The following TMEM178B variants were observed in gnomAD, a reference collection of about 807,000 sequenced individuals.
The protein encoded by TMEM178B is transmembrane protein 178B.
In TMEM178B, 5 loss-of-function variants were observed where a neutral mutation model predicts 31.0. The ratio of observed to expected loss-of-function variants is 0.16; its 90% CI spans 0.08 to 0.34. TMEM178B has a LOEUF of 0.34. Ranked by LOEUF, TMEM178B falls within the 10% of genes least tolerant of loss-of-function variation. The pLI, the probability that TMEM178B is intolerant of heterozygous loss-of-function variation, is 1.00. For missense variants in TMEM178B, 275 were observed against 400.3 expected, an observed-to-expected ratio of 0.69 and a Z score of 2.67; for synonymous variants, 164 against 164.0, an observed-to-expected ratio of 1.00 and a Z score of 0.00.
At chr7:141,154,834 A>G (rs1044771511) in intron 1 of TMEM178B, among the ~76,000 whole-genome samples, 14 of 151,530 alleles carry the variant, frequency 9.2e-5, no homozygotes, top group Admixed American at 2.0e-4. Context: ...GGTTCAAACG[A>G]TTCTCCTGCC....
At chr7:141,228,735 G>A (rs1797386581) in intron 2 of TMEM178B, among the ~76,000 whole-genome samples, 1 of 152,164 alleles carries the variant, frequency 6.6e-6, no homozygotes, top group Non-Finnish European at 1.5e-5. Flanking sequence ...GGAGCAGCCA[G>A]CTGTCTCCCC....
intron 2 of TMEM178B, among the ~76,000 whole-genome samples, chr7:141,388,675 C>T (rs1422518139): frequency 1.3e-5 from 2 of 151,956 alleles, no homozygotes; most frequent in African/African-American, 4.8e-5. Flanking sequence ...AATTTTTTCC[C>T]ACCAATCACT....
At position 141,171,319 on chromosome 7, in the gene TMEM178B, A is replaced by T. The variant is rs1563106815; in HGVS notation, c.383-41272A>T. Among the ~76,000 whole-genome samples the T allele has an allele frequency of 6.6e-6, 1 of 152,152 alleles. No homozygotes were observed. Among genetic ancestry groups the T allele is most frequent in the Non-Finnish European group, 1.5e-5 (1 of 68,030 alleles). On this transcript the variant is annotated intron_variant, in intron 1 of 3. Transcript: ENST00000565468. The surrounding 1 kb of genome is among the most constrained non-coding windows in gnomAD (Gnocchi z 4.3). ...AAACCAAAATTTTAGACTTTTTACT[A>T]TGTGATAGGCAGTGTTCTAAGTGCT...
chr7:141,427,752 G>C (rs1801346990), intron 2 of TMEM178B, among the ~76,000 whole-genome samples: 1 of 152,132 alleles, frequency 6.6e-6, no homozygotes, highest in Non-Finnish European at 1.5e-5. Flanking sequence ...ACCATCAACA[G>C]AGTGAAGTAA....
downstream of TMEM178B, among the ~76,000 whole-genome samples, chr7:141,484,417 G>A (rs149910175): frequency 5.2e-3 from 793 of 152,220 alleles, 1 homozygote; most frequent in Non-Finnish European, 8.4e-3. This position sits in a 1 kb window ranked among gnomAD's most constrained non-coding sequence, Gnocchi z 4.8. Context: ...CAAAATCTTA[G>A]GTCCAACCTC....
chr7:141,198,498 C>CT (rs1328488211), intron 1 of TMEM178B, among the ~76,000 whole-genome samples: 1 of 152,202 alleles, frequency 6.6e-6, no homozygotes, highest in Admixed American at 6.5e-5. Flanking sequence ...TGTCCCTTTC[C>CT]TTTAGGACAA....
At chr7:141,174,709 C>A (rs1210796771) in intron 1 of TMEM178B, among the ~76,000 whole-genome samples, 4 of 152,182 alleles carry the variant, frequency 2.6e-5, no homozygotes, top group African/African-American at 7.2e-5. Context: ...TCTCTGATGA[C>A]CAGTAATGAT....
intron 1 of TMEM178B, among the ~76,000 whole-genome samples, chr7:141,096,708 T>C (rs918279716): frequency 6.6e-6 from 1 of 152,222 alleles, no homozygotes; most frequent in African/African-American, 2.4e-5. Flanking sequence ...AAAATGTAAG[T>C]AAGTGTTTCT....
intron 2 of TMEM178B, among the ~76,000 whole-genome samples, chr7:141,245,132 C>T (rs1163222084): frequency 3.2e-5 from 4 of 123,348 alleles, no homozygotes; most frequent in East Asian, 2.4e-4. Context: ...CACTGGACTC[C>T]GAACTCCAGC....
intron 2 of TMEM178B, among the ~76,000 whole-genome samples, chr7:141,386,607 T>C (rs1471278663): frequency 1.3e-5 from 2 of 152,230 alleles, no homozygotes; most frequent in Admixed American, 6.5e-5. Flanking sequence ...ATTATTTCTT[T>C]GTGGTGAGAA....
intron 2 of TMEM178B, among the ~76,000 whole-genome samples, chr7:141,261,978 G>T (rs1344990274): frequency 1.3e-5 from 2 of 152,138 alleles, no homozygotes; most frequent in Admixed American, 1.3e-4. Flanking sequence ...GGCCAGAAAA[G>T]AGCCCTAGAG....
chr7:141,103,170 C>T lies in TMEM178B; in HGVS notation c.382+28478C>T, dbSNP rs182795698. On this transcript the variant is annotated intron_variant, in intron 1 of 3. Transcript: ENST00000565468. ...AGTGCGGAAAGGAAAAAAATTATTG[C>T]TCCCCAGGTGGGGTCAACTCATCTC... Among the ~76,000 whole-genome samples the T allele has an allele frequency of 1.1e-4, 17 of 152,348 alleles. No homozygotes were observed. The South Asian group carries it at 1.5e-3, about 13-fold the overall frequency.
chr7:141,113,317 A>T (rs1459017434), intron 1 of TMEM178B, among the ~76,000 whole-genome samples: 1 of 152,180 alleles, frequency 6.6e-6, no homozygotes, highest in Non-Finnish European at 1.5e-5. Flanking sequence ...GCTCTGTCCC[A>T]TCTGTCCCAT....
the TMEM178B span, among the ~76,000 whole-genome samples, chr7:141,492,022 T>C: frequency 6.6e-6 from 1 of 152,176 alleles, no homozygotes. Flanking sequence ...TGGCCTGCTG[T>C]TGTACCAAGA....
intron 2 of TMEM178B, among the ~76,000 whole-genome samples, chr7:141,263,592 G>A (rs1302728855): frequency 6.6e-6 from 1 of 152,206 alleles, no homozygotes; most frequent in African/African-American, 2.4e-5. Context: ...ACAAGGACTT[G>A]CAAGTGAAGG....
chr7:141,211,010 T>C (rs1797044447), intron 1 of TMEM178B, among the ~76,000 whole-genome samples: 1 of 152,088 alleles, frequency 6.6e-6, no homozygotes, highest in Admixed American at 6.6e-5. Context: ...ATGCTATTAA[T>C]GGAAATTGTT....
chr7:141,239,990 A>G (rs1586843944), intron 2 of TMEM178B, among the ~76,000 whole-genome samples: 1 of 152,274 alleles, frequency 6.6e-6, no homozygotes, highest in East Asian at 1.9e-4. Context: ...AATTTTAATA[A>G]CATAGTTTAA....
chr7:141,432,147 T>TGCA (rs1491322236), intron 2 of TMEM178B, among the ~76,000 whole-genome samples: 1 of 2,468 alleles, frequency 4.1e-4, no homozygotes, highest in Non-Finnish European at 8.2e-4. Flanking sequence ...TCACTGCATC[T>TGCA]TTTTTTTTTT....
chr7:141,403,836 G>T (rs749450777), intron 2 of TMEM178B, among the ~76,000 whole-genome samples: 1 of 152,220 alleles, frequency 6.6e-6, no homozygotes, highest in African/African-American at 2.4e-5. Context: ...AAGACCAGAG[G>T]TTCTCCCTCA....
Sources: gnomAD v4.1 joint callset for allele counts (sites outside exome capture counted in the v4.1 genomes callset) on GRCh38, gnomAD v4.1.1 for gene constraint, Gnocchi (gnomAD v3.1) non-coding constraint, MANE v1.5 for transcripts, NCBI Gene and HGNC (gene_info 2026-07-23, HGNC 2026-07-21) for gene names.